Variants in ZNF728 observed in about 807,000 individuals in gnomAD.
ZNF728 encodes the protein zinc finger protein 728.
ZNF728 carries 12 observed loss-of-function variants against 12.5 expected under a neutral mutation model. That is an observed-to-expected ratio of 0.96 (90% CI 0.61 to 1.55). ZNF728 has a LOEUF of 1.55. ZNF728 is among the 40% of genes most tolerant of loss of function. The pLI is 0.00. For missense variants in ZNF728, 692 were observed against 719.2 expected (o/e 0.96, Z 0.43); for synonymous variants, 205 against 240.7 (o/e 0.85, Z 1.37).
chr19:22,999,761 G>T (rs1969087130), intron 1 of ZNF728, among the ~76,000 whole-genome samples: 1 of 152,082 alleles, frequency 6.6e-6, no homozygotes, highest in African/African-American at 2.4e-5. Context: ...TAAAAATCAT[G>T]TGGTAAACAG....
intron 1 of ZNF728, among the ~76,000 whole-genome samples, chr19:22,992,995 G>A (rs970684444): frequency 6.6e-6 from 1 of 152,194 alleles, no homozygotes; most frequent in Non-Finnish European, 1.5e-5. Flanking sequence ...TGATTTGCTA[G>A]CTGGTGGGTA....
In ZNF728 at chr19:22,976,951, C is replaced by A. The variant is rs1968811946; in HGVS notation, c.386G>T (p.Gly129Val). ...CAAACTCTGGTTAAGCTTATTATAACCTTTTTTGTGCACCTTACACTCATC... is the reference window on the plus strand; with the variant it reads ...CAAACTCTGGTTAAGCTTATTATAAACTTTTTTGTGCACCTTACACTCATC... ...NVDECKVHKK[G>V]YNKLNQSLTT... The change falls in exon 4 of 4, where the codon GGT becomes GTT. Residue 129 changes from glycine to valine, a missense_variant. Gly to Val is a moderately radical substitution (Grantham distance 109). Coordinates refer to ENST00000594710, the MANE Select transcript of ZNF728 (RefSeq NM_001267716.2). The A allele has an allele frequency of 6.2e-7, 1 of 1,613,364 alleles. No homozygotes were observed. The highest frequency in any genetic ancestry group is 1.3e-5 in the African/African-American group (1 of 74,884).
chr19:22,975,121 C>T lies in ZNF728; in HGVS notation c.*347G>A, dbSNP rs1426152259. Among the ~76,000 whole-genome samples the T allele has an allele frequency of 6.6e-6, 1 of 152,128 alleles. No individual in the cohort carries two copies. Among genetic ancestry groups the T allele is most frequent in the Non-Finnish European group, 1.5e-5 (1 of 68,014 alleles). On this transcript the variant is annotated 3_prime_UTR_variant, in exon 4 of 4. Transcript: ENST00000594710. ...AAAAGTTTCAGGTGTTGCCAAAAGCCTTGTCACATCTTTCAGGTTTGCAGT... is the reference window on the plus strand; with the variant it reads ...AAAAGTTTCAGGTGTTGCCAAAAGCTTTGTCACATCTTTCAGGTTTGCAGT...
At chr19:22,988,535 T>A in intron 1 of ZNF728, 84 bp from the exon 2 acceptor site, 2 of 1,564,626 alleles carry the variant, frequency 1.3e-6, no homozygotes, top group East Asian at 2.2e-5. Context: ...ATGGAAAGAG[T>A]AAAAAGAGCT....
intron 1 of ZNF728, among the ~76,000 whole-genome samples, chr19:22,989,290 G>T (rs1015354430): frequency 1.2e-4 from 18 of 151,698 alleles, no homozygotes; most frequent in African/African-American, 4.4e-4. Context: ...GTATGCCAAT[G>T]GTTTTGGCCC....
At chr19:22,988,193 G>A (rs1250651322) in intron 2 of ZNF728, 132 bp downstream of exon 2, 27 of 1,508,516 alleles carry the variant, frequency 1.8e-5, no homozygotes, top group Non-Finnish European at 2.2e-5. Context: ...GCCCCCTGGT[G>A]CCGTCTTCCA....
rs771787339 is a variant in ZNF728 at position 22,976,241 on chromosome 19, T to C, written c.1096A>G (p.Lys366Glu). Residue 366 changes from lysine (K) to glutamate (E), a missense_variant, in exon 4 of 4, where the codon AAA (lysine) becomes GAA (glutamate). By Grantham distance (56) the Lys-to-Glu change is moderately conservative. This residue lies in a region of ZNF728 where 440 missense variants were observed against 459.6 expected (regional missense o/e 0.96). Coordinates refer to ENST00000594710, the MANE Select transcript of ZNF728 (RefSeq NM_001267716.2). ...CCACATTCTTCACATTTGTAGGGTT[T>C]CTCTCCAGTATGAATTACCTTATGT... ...TKHKVIHTGE[K>E]PYKCEECGKA... 1.2e-6 allele frequency: 2 copies of C among 1,613,430 alleles called. No individual in the cohort carries two copies. Among genetic ancestry groups the C allele is most frequent in the South Asian group, 2.2e-5 (2 of 91,056 alleles).
intron 3 of ZNF728, among the ~76,000 whole-genome samples, chr19:22,980,384 G>A (rs1170097309): frequency 1.3e-5 from 2 of 152,098 alleles, no homozygotes; most frequent in African/African-American, 4.8e-5. Context: ...CATAAAGCAA[G>A]TTCTTAGGGA....
chr19:22,985,453 C>T (rs765233899), intron 3 of ZNF728, among the ~76,000 whole-genome samples: 12 of 152,054 alleles, frequency 7.9e-5, no homozygotes, highest in Non-Finnish European at 1.8e-4. Flanking sequence ...GCAGTGAGAC[C>T]CCATCTCAAA....
chr19:22,982,038 G>C (rs1968866268), intron 3 of ZNF728, among the ~76,000 whole-genome samples: 1 of 152,008 alleles, frequency 6.6e-6, no homozygotes, highest in African/African-American at 2.4e-5. Flanking sequence ...AGGGCAATCA[G>C]GCAAGAAAAA....
intron 3 of ZNF728, among the ~76,000 whole-genome samples, chr19:22,981,713 G>A (rs566688138): frequency 1.3e-5 from 2 of 152,258 alleles, no homozygotes; most frequent in African/African-American, 4.8e-5. Flanking sequence ...GGGATGCAAG[G>A]CTGGTTCAAC....
chr19:22,993,415 G>C (rs1229727265), intron 1 of ZNF728, among the ~76,000 whole-genome samples: 2 of 152,158 alleles, frequency 1.3e-5, no homozygotes, highest in Non-Finnish European at 2.9e-5. Context: ...GAAATCAAAG[G>C]AGAGATTCCC....
rs1409577632 is a variant in ZNF728 at position 23,003,171 on chromosome 19, G to C, written c.-141C>G. On this transcript the variant is annotated 5_prime_UTR_variant, in exon 1 of 4. Coordinates refer to ENST00000594710, the MANE Select transcript of ZNF728 (RefSeq NM_001267716.2). ...ACCTTGACCTCCGCGTGCAGCGAGA[G>C]CCAACGGTCCTACCACATCCCGGAA... 3.9e-6 allele frequency: 4 copies of C among 1,014,816 alleles called. No individual in the cohort carries two copies. Among genetic ancestry groups the C allele is most frequent in the African/African-American group, 1.7e-5 (1 of 59,484 alleles). The allele number at this position is 1,014,816 out of a possible 1,614,324, so 62.9% of individuals were successfully genotyped here. A position where few individuals can be genotyped will look rare whatever the true frequency, so the allele number is the denominator to read the frequency against.
At chr19:22,997,209 T>C (rs1221243710) in intron 1 of ZNF728, among the ~76,000 whole-genome samples, 3 of 152,136 alleles carry the variant, frequency 2.0e-5, no homozygotes, top group Admixed American at 2.0e-4. Context: ...TACATTCTTC[T>C]CATCACCACG....
At chr19:23,002,993 C>T (rs766784823) in intron 1 of ZNF728, 35 bp downstream of exon 1, 1 of 1,587,584 alleles carries the variant, frequency 6.3e-7, no homozygotes, top group East Asian at 2.3e-5. Context: ...CCAGCGGCTG[C>T]CACTCTCTCG....
intron 3 of ZNF728, among the ~76,000 whole-genome samples, chr19:22,986,363 A>AT (rs1442168934): frequency 2.0e-5 from 3 of 152,228 alleles, no homozygotes; most frequent in South Asian, 4.1e-4. Context: ...AGTGTTCTCT[A>AT]TAAAAAAAAC....
At chr19:22,994,610 G>C (rs974618039) in intron 1 of ZNF728, among the ~76,000 whole-genome samples, 1 of 152,130 alleles carries the variant, frequency 6.6e-6, no homozygotes, top group Non-Finnish European at 1.5e-5. Context: ...CTGGTAGTTG[G>C]GAAGGCCATC....
chr19:22,981,809 G>GC (rs1340481419), intron 3 of ZNF728, among the ~76,000 whole-genome samples: 1 of 152,050 alleles, frequency 6.6e-6, no homozygotes, highest in African/African-American at 2.4e-5. Flanking sequence ...TGCAGAAAAG[G>GC]CCTTCGACAA....
intron 1 of ZNF728, among the ~76,000 whole-genome samples, chr19:22,998,976 C>T (rs1171144264): frequency 2.0e-5 from 3 of 152,160 alleles, no homozygotes; most frequent in African/African-American, 7.2e-5. Flanking sequence ...TCAAAATTCA[C>T]TTGTTTATTT....
Sources: allele counts gnomAD v4.1 joint callset (sites outside exome capture counted in the v4.1 genomes callset), GRCh38; gene constraint gnomAD v4.1.1; regional missense constraint gnomAD v4.1.1; transcripts MANE v1.5; gene names NCBI Gene and HGNC (gene_info 2026-07-23, HGNC 2026-07-21).